The following MAPK10 variants were observed in gnomAD, a reference collection of about 807,000 sequenced individuals.
MAPK10 encodes mitogen-activated protein kinase 10.
A neutral mutation model predicts 59.3 loss-of-function variants in MAPK10; 25 were observed. That is an observed-to-expected ratio of 0.42 (90% confidence interval 0.31 to 0.59). MAPK10 has a LOEUF of 0.59. Among genes scored for constraint, MAPK10 ranks in the 20% least tolerant of loss-of-function variants. The pLI, the probability that MAPK10 is intolerant of heterozygous loss-of-function variation, is 0.15. For synonymous variants in MAPK10, 190 were observed against 200.5 expected (o/e 0.95, Z 0.44); for missense variants, 351 against 568.9 (o/e 0.62, Z 3.90).
intron 4 of MAPK10, among the ~76,000 whole-genome samples, chr4:86,141,614 G>C (rs1049090334): frequency 6.6e-6 from 1 of 152,098 alleles, no homozygotes; most frequent in Non-Finnish European, 1.5e-5. Flanking sequence ...TATAGGCCTG[G>C]ATATTTTACA....
intron 2 of MAPK10, among the ~76,000 whole-genome samples, chr4:86,271,847 T>C (rs1275292895): frequency 6.6e-6 from 1 of 152,042 alleles, no homozygotes; most frequent in South Asian, 2.1e-4. Flanking sequence ...CTGCCCTCCA[T>C]GATTCAACTA....
Position 86,310,467 on chromosome 4 carries a change from C to T in MAPK10, c.-7+44063G>A, listed in dbSNP as rs368137950. On this transcript the variant is annotated intron_variant, in intron 2 of 13. Coordinates refer to ENST00000641462, the MANE Select transcript of MAPK10 (RefSeq NM_138982.4). ...ATATATTTATTGAATATGGGTCATCCATTTTTATACCAAGTAATATACGAC... is the reference window on the plus strand; with the variant it reads ...ATATATTTATTGAATATGGGTCATCTATTTTTATACCAAGTAATATACGAC... Among the ~76,000 whole-genome samples the T allele has an allele frequency of 1.1e-4, 17 of 152,260 alleles. No homozygotes were observed. In the East Asian group the frequency reaches 1.2e-3, roughly 10 times the overall value.
chr4:86,298,464 G>C (rs2095410493), intron 2 of MAPK10, among the ~76,000 whole-genome samples: 1 of 152,198 alleles, frequency 6.6e-6, no homozygotes, highest in Non-Finnish European at 1.5e-5. Flanking sequence ...AGGAAGGCTA[G>C]AGTGCTGAGC....
At chr4:86,214,938 G>T (rs1425183808) in intron 2 of MAPK10, among the ~76,000 whole-genome samples, 1 of 152,026 alleles carries the variant, frequency 6.6e-6, no homozygotes, top group African/African-American at 2.4e-5. Flanking sequence ...GAAGTCTCAA[G>T]GAGACTTAAG....
chr4:86,458,646 A>G (rs1751453096), intron 1 of MAPK10, among the ~76,000 whole-genome samples: 1 of 152,198 alleles, frequency 6.6e-6, no homozygotes, highest in African/African-American at 2.4e-5. Flanking sequence ...TCAATAAAGC[A>G]AACAAAAACA....
intron 2 of MAPK10, among the ~76,000 whole-genome samples, chr4:86,284,542 T>C (rs1007622983): frequency 2.6e-5 from 4 of 152,228 alleles, no homozygotes; most frequent in African/African-American, 9.6e-5. Context: ...TCCACAGAGC[T>C]CTGTGCCTCA....
chr4:86,419,065 G>A (rs1189804799), intron 1 of MAPK10, among the ~76,000 whole-genome samples: 2 of 152,124 alleles, frequency 1.3e-5, no homozygotes, highest in African/African-American at 4.8e-5. Context: ...TACACTGCTC[G>A]GGTGCAACAA....
intron 3 of MAPK10, among the ~76,000 whole-genome samples, chr4:86,177,825 G>A (rs1272303169): frequency 6.6e-6 from 1 of 152,000 alleles, no homozygotes. Context: ...CAAGTGATCA[G>A]TAATTTTGCT....
intron 9 of MAPK10, among the ~76,000 whole-genome samples, chr4:86,086,920 G>A (rs2052007838): frequency 1.3e-5 from 2 of 152,048 alleles, no homozygotes; most frequent in South Asian, 2.1e-4. Flanking sequence ...CACAGCCCAC[G>A]ATCAGAAGAC....
chr4:86,450,752 T>A (rs1750604437), intron 1 of MAPK10, among the ~76,000 whole-genome samples: 1 of 152,214 alleles, frequency 6.6e-6, no homozygotes, highest in Non-Finnish European at 1.5e-5. Context: ...ACGCTTGACA[T>A]TTAATGTCTC....
chr4:86,349,856 A>G (rs1478405069), intron 2 of MAPK10, among the ~76,000 whole-genome samples: 1 of 152,152 alleles, frequency 6.6e-6, no homozygotes, highest in Non-Finnish European at 1.5e-5. Context: ...TAGAGTCACA[A>G]ACGTCTTAAA....
At chr4:86,537,094 A>C (rs56164000) in intron 1 of MAPK10, among the ~76,000 whole-genome samples, 48,760 of 152,062 alleles carry the variant, frequency 0.32, 8,005 homozygotes, top group Admixed American at 0.36. Context: ...AAGAGGGAAT[A>C]CACACAATGG....
At chr4:86,345,216 T>C (rs1437462674) in intron 2 of MAPK10, among the ~76,000 whole-genome samples, 1 of 152,186 alleles carries the variant, frequency 6.6e-6, no homozygotes, top group Non-Finnish European at 1.5e-5. Flanking sequence ...TGCATCCTCA[T>C]GGAGTCCTTC....
intron 9 of MAPK10, chr4:86,080,349 T>G (rs1273573758): frequency 6.6e-6 from 1 of 151,724 alleles, no homozygotes; most frequent in Non-Finnish European, 1.5e-5. Flanking sequence ...AAGAGCAGAT[T>G]ATCTCCTAAA....
chr4:86,126,552 C>T (rs1309366073), intron 4 of MAPK10, among the ~76,000 whole-genome samples: 1 of 151,974 alleles, frequency 6.6e-6, no homozygotes, highest in Non-Finnish European at 1.5e-5. Flanking sequence ...AAATAAAGGA[C>T]ACAAGTTTAA....
At chr4:86,060,408 T>A (rs1484086192) in intron 11 of MAPK10, among the ~76,000 whole-genome samples, 1 of 152,102 alleles carries the variant, frequency 6.6e-6, no homozygotes, top group Non-Finnish European at 1.5e-5. Context: ...ATAAAGCTAT[T>A]TAAAAAAAAT....
chr4:86,511,867 G>A (rs1380559483), intron 1 of MAPK10, among the ~76,000 whole-genome samples: 2 of 147,356 alleles, frequency 1.4e-5, no homozygotes. Flanking sequence ...AAAGGAGGGA[G>A]GGAACAAGGA....
chr4:86,011,359 C>T lies in MAPK10; in HGVS notation c.*5869G>A, dbSNP rs1429962098. 1 of 152,208 alleles carries T rather than the reference C, an allele frequency of 6.6e-6. No individual in the cohort carries two copies. The highest frequency in any genetic ancestry group is 2.4e-5 in the African/African-American group (1 of 41,460). 9.4% of individuals were successfully genotyped at this position (152,208 alleles called of 1,614,324 possible). ...GTGGAGAAAAGACATGTTACAAATA[C>T]AAAACACCACCATGATGAATTGGGA... is the stretch of plus-strand genomic sequence containing the variant. On this transcript the variant is annotated 3_prime_UTR_variant, in exon 14 of 14. Coordinates refer to ENST00000641462, the MANE Select transcript of MAPK10 (RefSeq NM_138982.4).
intron 3 of MAPK10, among the ~76,000 whole-genome samples, chr4:86,175,529 C>CTA (rs969779225): frequency 6.6e-6 from 1 of 152,002 alleles, no homozygotes; most frequent in Non-Finnish European, 1.5e-5. Context: ...GCTGCCATCT[C>CTA]AATAGTGAGT....
Sources: allele counts gnomAD v4.1 joint callset (sites outside exome capture counted in the v4.1 genomes callset), GRCh38; gene constraint gnomAD v4.1.1; transcripts MANE v1.5; gene names NCBI Gene and HGNC (gene_info 2026-07-23, HGNC 2026-07-21).